PRKN: variants seen among roughly 807,000 people sequenced by gnomAD.
PRKN encodes E3 ubiquitin-protein ligase parkin.
A neutral mutation model predicts 59.5 loss-of-function variants in PRKN; 56 were observed. The observed-to-expected ratio is 0.94, with a 90% confidence interval of 0.76 to 1.18. The LOEUF is 1.18. Ranked by LOEUF, PRKN falls within the 50% of genes most tolerant of loss-of-function variation. The pLI is 0.00. For missense variants in PRKN, 657 were observed against 596.4 expected (o/e 1.10, Z -1.06); for synonymous variants, 250 against 222.1 (o/e 1.13, Z -1.12).
Position 162,344,048 on chromosome 6 carries a change from A to G in PRKN, c.172-81283T>C, listed in dbSNP as rs78240083. 2.6e-3 allele frequency among the ~76,000 whole-genome samples: 403 copies of G among 152,312 alleles called. 2 individuals are homozygous for G. The highest frequency in any genetic ancestry group is 9.5e-3 in the African/African-American group (393 of 41,554). On this transcript the variant is annotated intron_variant, in intron 2 of 11. Coordinates refer to ENST00000366898, the MANE Select transcript of PRKN (RefSeq NM_004562.3). The stretch of plus-strand genomic sequence containing the variant: ...AAAGAATTTCTGTGCCAGTTCAGCC[A>G]TCTGCTGTTGGCTCACAAATGGAGT...
chr6:161,814,259 A>AT (rs1249324993), intron 6 of PRKN, among the ~76,000 whole-genome samples: 4 of 152,130 alleles, frequency 2.6e-5, no homozygotes, highest in Non-Finnish European at 4.4e-5. Flanking sequence ...AGTGACAAAG[A>AT]ATACACAAAA....
chr6:161,531,104 G>T (rs931870020), intron 9 of PRKN, among the ~76,000 whole-genome samples: 1 of 152,056 alleles, frequency 6.6e-6, no homozygotes, highest in Non-Finnish European at 1.5e-5. Flanking sequence ...GTGCAAGGCC[G>T]GGCGCGGTGG....
At chr6:162,241,942 C>A (rs569791529) in intron 3 of PRKN, among the ~76,000 whole-genome samples, 1 of 152,038 alleles carries the variant, frequency 6.6e-6, no homozygotes, top group East Asian at 1.9e-4. Flanking sequence ...CCCCCCACCC[C>A]CAACAAGCAC....
Position 162,524,016 on chromosome 6 carries a change from C to T in PRKN, c.8-80543G>A, listed in dbSNP as rs564183141. 2.0e-4 allele frequency among the ~76,000 whole-genome samples: 31 copies of T among 152,122 alleles called. 2 individuals are homozygous for T. Among genetic ancestry groups the T allele is most frequent in the South Asian group, 6.2e-4 (3 of 4,820 alleles). On this transcript the variant is annotated intron_variant, in intron 1 of 11. Transcript: ENST00000366898. ...TGGTGACCTTGGAGAAGTTACTTAA[C>T]CTTTCTGTGCCCCCGTTATAACTCA... is the stretch of plus-strand genomic sequence containing the variant.
At chr6:161,701,857 T>C (rs1583025898) in intron 7 of PRKN, among the ~76,000 whole-genome samples, 1 of 152,328 alleles carries the variant, frequency 6.6e-6, no homozygotes, top group East Asian at 1.9e-4. Flanking sequence ...AAATAGCATG[T>C]ATCCCAAAAA....
chr6:161,949,800 C>T (rs1779919369), intron 6 of PRKN, among the ~76,000 whole-genome samples: 1 of 152,202 alleles, frequency 6.6e-6, no homozygotes, highest in Non-Finnish European at 1.5e-5. Context: ...CTCTGTCCTC[C>T]TGATTCCACA....
In PRKN at chr6:161,405,853, T is replaced by C. The variant is rs1210282167; in HGVS notation, c.1084-18976A>G. Among the ~76,000 whole-genome samples the C allele has an allele frequency of 6.6e-6, 1 of 152,040 alleles. No homozygotes were observed. On this transcript the variant is annotated intron_variant, in intron 9 of 11. Coordinates refer to ENST00000366898, the MANE Select transcript of PRKN (RefSeq NM_004562.3). This position sits in a 1 kb window ranked among gnomAD's most constrained non-coding sequence, Gnocchi z 5.1. ...GTTCCTACCAATTTGGCAGTCCAAA[T>C]AGATTTTTCTTTTAAAGTAGACTTT...
At chr6:161,476,166 G>A (rs900969839) in intron 9 of PRKN, among the ~76,000 whole-genome samples, 18 of 149,996 alleles carry the variant, frequency 1.2e-4, no homozygotes, top group East Asian at 3.9e-4. Context: ...CAACCTGGGC[G>A]ACAGAGTGAG....
Position 161,560,224 on chromosome 6 carries a change from T to C in PRKN, c.933+9131A>G. On this transcript the variant is annotated intron_variant, in intron 8 of 11. Coordinates refer to ENST00000366898, the MANE Select transcript of PRKN (RefSeq NM_004562.3). The surrounding 1 kb of genome is among the most constrained non-coding windows in gnomAD (Gnocchi z 4.9). The stretch of plus-strand genomic sequence containing the variant: ...ACTAACTGCCCTGTATAATCAGCCT[T>C]TTGAAAGGTTTCCCTGTCCACACTG... 6.6e-6 allele frequency among the ~76,000 whole-genome samples: 1 copy of C among 152,200 alleles called. No individual in the cohort carries two copies. The highest frequency in any genetic ancestry group is 1.5e-5 in the Non-Finnish European group (1 of 68,036).
chr6:162,387,575 G>C lies in PRKN; in HGVS notation c.171+55735C>G, dbSNP rs972770252. ...ACACACAGAGAGAGAGAGAGAGAGA[G>C]AGAGAGAGAGAGAGAGAGAGAGAGA... On this transcript the variant is annotated intron_variant, in intron 2 of 11. Transcript: ENST00000366898. Among the ~76,000 whole-genome samples, 313 of 147,498 alleles carry C rather than the reference G, an allele frequency of 2.1e-3. 1 individual carries two copies. The highest frequency in any genetic ancestry group is 8.1e-3 in the East Asian group (41 of 5,076).
chr6:162,374,298 C>A (rs1379998112), intron 2 of PRKN, among the ~76,000 whole-genome samples: 1 of 151,504 alleles, frequency 6.6e-6, no homozygotes, highest in Non-Finnish European at 1.5e-5. Flanking sequence ...AAAAGAAGGA[C>A]TTTAGGTTAC....
At chr6:162,213,613 C>T (rs537593880) in intron 3 of PRKN, among the ~76,000 whole-genome samples, 90 of 152,084 alleles carry the variant, frequency 5.9e-4, no homozygotes, top group African/African-American at 2.1e-3. Flanking sequence ...CCTGTACCTC[C>T]AGCTAGGAAT....
intron 7 of PRKN, among the ~76,000 whole-genome samples, chr6:161,718,056 G>A (rs754255733): frequency 1.1e-4 from 17 of 152,280 alleles, no homozygotes; most frequent in Admixed American, 4.6e-4. Context: ...AAATTGAGCC[G>A]TTTTATAAAT....
intron 2 of PRKN, among the ~76,000 whole-genome samples, chr6:162,306,065 T>C (rs189860901): frequency 6.6e-6 from 1 of 152,222 alleles, no homozygotes; most frequent in South Asian, 2.1e-4. Flanking sequence ...GTTATTTCTA[T>C]TATTTTTTAA....
intron 6 of PRKN, among the ~76,000 whole-genome samples, chr6:161,969,261 CTTAT>C (rs1422517570): frequency 2.9e-5 from 4 of 138,004 alleles, no homozygotes; most frequent in African/African-American, 8.1e-5. Flanking sequence ...GGTTTTCAGT[CTTAT>C]TTGTTTTTTT....
At chr6:162,563,221 G>A (rs890751371) in intron 1 of PRKN, among the ~76,000 whole-genome samples, 7 of 151,892 alleles carry the variant, frequency 4.6e-5, no homozygotes, top group East Asian at 1.9e-4. Flanking sequence ...GGAGAATGGC[G>A]TGAACCCAGG....
intron 1 of PRKN, among the ~76,000 whole-genome samples, chr6:162,458,272 A>AT (rs1790992310): frequency 1.4e-5 from 2 of 143,008 alleles, no homozygotes; most frequent in Non-Finnish European, 3.1e-5. Context: ...AAAAAAAAAA[A>AT]AAAATTACCT....
chr6:161,400,083 G>A lies in PRKN; in HGVS notation c.1084-13206C>T, dbSNP rs1786956486. Among the ~76,000 whole-genome samples, 2 of 152,000 alleles carry A rather than the reference G, an allele frequency of 1.3e-5. No individual in the cohort carries two copies. Among genetic ancestry groups the A allele is most frequent in the South Asian group, 2.1e-4 (1 of 4,826 alleles). On this transcript the variant is annotated intron_variant, in intron 9 of 11. Coordinates refer to ENST00000366898, the MANE Select transcript of PRKN (RefSeq NM_004562.3). The surrounding 1 kb of genome is among the most constrained non-coding windows in gnomAD (Gnocchi z 4.2). Reference sequence around the variant, plus strand: ...TTCTATGGGCTCAGGAGCCTCACGTGGGCACCATGTTGGACAGGAGCCTCA... The same window carrying A: ...TTCTATGGGCTCAGGAGCCTCACGTAGGCACCATGTTGGACAGGAGCCTCA...
chr6:162,399,910 G>T (rs1176019897), intron 2 of PRKN, among the ~76,000 whole-genome samples: 3 of 152,088 alleles, frequency 2.0e-5, no homozygotes, highest in Admixed American at 2.0e-4. Context: ...GGAAAAAAAA[G>T]AAATCAAAGA....
Sources: allele counts gnomAD v4.1 joint callset (sites outside exome capture counted in the v4.1 genomes callset), GRCh38; gene constraint gnomAD v4.1.1; non-coding constraint Gnocchi (gnomAD v3.1); transcripts MANE v1.5; gene names NCBI Gene and HGNC (gene_info 2026-07-23, HGNC 2026-07-21).